Variants in RNF40 observed in about 807,000 individuals in gnomAD.
RNF40 encodes E3 ubiquitin-protein ligase BRE1B.
RNF40 carries 39 observed loss-of-function variants against 123.3 expected under a neutral mutation model. The ratio of observed to expected loss-of-function variants is 0.32; its 90% CI spans 0.24 to 0.41. RNF40 has a LOEUF of 0.41. Among genes scored for constraint, RNF40 ranks in the 10% least tolerant of loss-of-function variants. The pLI is 1.00. For missense variants in RNF40, 1,003 were observed against 1,319.9 expected, an observed-to-expected ratio of 0.76 and a Z score of 3.72; for synonymous variants, 538 against 526.0, an observed-to-expected ratio of 1.02 and a Z score of -0.31.
Position 30,765,256 on chromosome 16 carries a change from C to G in RNF40, c.847C>G (p.Gln283Glu). 3 of 1,614,214 alleles carry G rather than the reference C, an allele frequency of 1.9e-6. No homozygotes were observed. Among genetic ancestry groups the G allele is most frequent in the Admixed American group, 3.3e-5 (2 of 60,026 alleles). ...GATGGAGACAACAGTGGAGGACTTG[C>G]AGTGGGACATCGAGAAGCTGCGGAA... ...LEMETTVEDL[Q>E]WDIEKLRKRE... is the part of the protein sequence containing the mutation. Residue 283 changes from glutamine (Q) to glutamate (E), a missense_variant, in exon 7 of 20, where the codon CAG becomes GAG. Physicochemically the swap from Gln to Glu is conservative, Grantham distance 29 (BLOSUM62 2). Coordinates refer to ENST00000324685, the MANE Select transcript of RNF40 (RefSeq NM_014771.4).
Position 30,766,558 on chromosome 16 carries a change from G to C in RNF40, c.1293G>C (p.Glu431Asp). 1 of 1,607,362 alleles carries C rather than the reference G, an allele frequency of 6.2e-7. No individual in the cohort carries two copies. Among genetic ancestry groups the C allele is most frequent in the Non-Finnish European group, 8.5e-7 (1 of 1,176,002 alleles). Residue 431 changes from glutamate to aspartate, a missense_variant and splice_region_variant, in exon 10 of 20, where the codon GAG (glutamate) becomes GAC (aspartate). By Grantham distance (45) the Glu-to-Asp change is conservative (BLOSUM62 2). This residue lies in a region of RNF40 where 274 missense variants were observed against 356.9 expected (regional missense o/e 0.77). Transcript: ENST00000324685. The surrounding 1 kb of genome is among the most constrained non-coding windows in gnomAD (Gnocchi z 5.4). ...ACCTGCGACACATCGAGCACATGGAGGTATGGCCCTGGAACAGGCGTTAGG... is the reference window on the plus strand; with the variant it reads ...ACCTGCGACACATCGAGCACATGGACGTATGGCCCTGGAACAGGCGTTAGG... ...NSHLRHIEHM[E>D]SDELGLQKKL...
At chr16:30,770,578 G>C (rs1359010004) in intron 17 of RNF40, among the ~76,000 whole-genome samples, 1 of 152,174 alleles carries the variant, frequency 6.6e-6, no homozygotes, top group Non-Finnish European at 1.5e-5. Context: ...GATGTTCTTT[G>C]TCACATAGTT....
intron 19 of RNF40, 187 bp from the exon 20 acceptor site, chr16:30,773,751 T>C: frequency 3.8e-6 from 2 of 527,426 alleles, no homozygotes; most frequent in Non-Finnish European, 6.7e-6. Flanking sequence ...TGATTTCTAG[T>C]GTTGAGACCT....
rs373061072 is a variant in RNF40 at position 30,762,510 on chromosome 16, C to T, written c.-36C>T. 3.4e-5 allele frequency: 53 copies of T among 1,558,330 alleles called. No homozygotes were observed. Among genetic ancestry groups the T allele is most frequent in the East Asian group, 2.3e-4 (10 of 44,160 alleles). The stretch of plus-strand genomic sequence containing the variant: ...TACCGCCTCCTCCCGTTTGACGCCC[C>T]TCAGGGGACCCTGCATCGCTCCAGC... On this transcript the variant is annotated 5_prime_UTR_variant, in exon 2 of 20. Transcript: ENST00000324685.
Position 30,774,882 on chromosome 16 carries a change from C to G in RNF40, c.*768C>G, listed in dbSNP as rs2054206419. On this transcript the variant is annotated 3_prime_UTR_variant, in exon 20 of 20. Coordinates refer to ENST00000324685, the MANE Select transcript of RNF40 (RefSeq NM_014771.4). ...CTCTACTGGGTCCCTGGACCTAACC[C>G]TGCTTTCATCCTGGTGGCCTTAACT... The G allele has an allele frequency of 1.3e-5, 6 of 451,012 alleles. No individual in the cohort carries two copies. The highest frequency in any genetic ancestry group is 7.9e-5 in the South Asian group (5 of 63,616). 27.9% of individuals were successfully genotyped at this position (451,012 alleles called of 1,614,324 possible).
chr16:30,766,362 G>A lies in RNF40; in HGVS notation c.1114-17G>A. ...CTGAATCCTGTTGCTGATCCCATTT[G>A]GGCATCCCTGCCCCAGGTGGCCCTG... is the stretch of plus-strand genomic sequence containing the variant. On this transcript the variant is annotated splice_polypyrimidine_tract_variant and intron_variant, in intron 9 of 19. Transcript: ENST00000324685. The surrounding 1 kb of genome is among the most constrained non-coding windows in gnomAD (Gnocchi z 5.4). 6.2e-7 allele frequency: 1 copy of A among 1,612,082 alleles called. No individual in the cohort carries two copies. Among genetic ancestry groups the A allele is most frequent in the East Asian group, 2.2e-5 (1 of 44,808 alleles).
intron 2 of RNF40, 157 bp downstream of exon 2, chr16:30,762,834 C>T (rs566696918): frequency 2.1e-6 from 2 of 962,784 alleles, no homozygotes; most frequent in Non-Finnish European, 3.1e-6. Flanking sequence ...CAGAACACGA[C>T]GCCTGTCTTC....
Position 30,763,467 on chromosome 16 carries a change from A to G in RNF40, c.350A>G (p.Glu117Gly), listed in dbSNP as rs1435728573. Residue 117 changes from glutamate (E) to glycine (G), a missense_variant, in exon 4 of 20, where the codon GAG becomes GGG. Glu to Gly is a moderately conservative substitution (Grantham distance 98, BLOSUM62 -2). Coordinates refer to ENST00000324685, the MANE Select transcript of RNF40 (RefSeq NM_014771.4). The stretch of plus-strand genomic sequence containing the variant: ...CTCCGATGCCATGAGAGCCAGGGGG[A>G]GCTGTCTTCAGCGCCTGAGGCACCT... Reference protein sequence around the residue: ...ALLRCHESQGELSSAPEAPGT... With the variant: ...ALLRCHESQGGLSSAPEAPGT... 8 of 1,612,320 alleles carry G rather than the reference A, an allele frequency of 5.0e-6. No homozygotes were observed. The highest frequency in any genetic ancestry group is 5.9e-6 in the Non-Finnish European group (7 of 1,179,386).
intron 17 of RNF40, among the ~76,000 whole-genome samples, chr16:30,770,008 G>A (rs749650596): frequency 2.6e-5 from 4 of 152,154 alleles, no homozygotes; most frequent in Middle Eastern, 6.8e-3. Context: ...GCTGACAGGT[G>A]AGAGGATCAC....
Position 30,771,915 on chromosome 16 carries a change from G to T in RNF40, c.2669G>T (p.Cys890Phe). Residue 890 changes from cysteine (C) to phenylalanine (F), a missense_variant, in exon 18 of 20, where the codon TGC becomes TTC. Physicochemically the swap from Cys to Phe is radical, Grantham distance 205. This residue lies in a region of RNF40 where 121 missense variants were observed against 125.3 expected (regional missense o/e 0.97). Transcript: ENST00000324685. ...ACTCGGCTGCGGGAGATCCAGCCCTGCCTGGCAGAGAGCCGGGCTGCTCGT... is the reference window on the plus strand; with the variant it reads ...ACTCGGCTGCGGGAGATCCAGCCCTTCCTGGCAGAGAGCCGGGCTGCTCGT... Reference protein sequence around the residue: ...VQTRLREIQPCLAESRAAREK... With the variant: ...VQTRLREIQPFLAESRAAREK... The T allele has an allele frequency of 1.2e-6, 2 of 1,609,304 alleles. No homozygotes were observed. The highest frequency in any genetic ancestry group is 8.5e-7 in the Non-Finnish European group (1 of 1,176,902).
chr16:30,762,412 G>A, intron 1 of RNF40, 52 bp downstream of exon 1: 2 of 950,308 alleles, frequency 2.1e-6, no homozygotes, highest in Non-Finnish European at 3.0e-6. Context: ...TGTGCAGGGT[G>A]GAGGGTGTTT....
rs777569324 is a variant in RNF40, at chr16:30,766,394, C to T, written c.1129C>T (p.Leu377Phe). 6.2e-7 allele frequency: 1 copy of T among 1,613,156 alleles called. No homozygotes were observed. Among genetic ancestry groups the T allele is most frequent in the East Asian group, 2.2e-5 (1 of 44,856 alleles). ...NERLKVALRS[L>F]PEEVVRETGE... ...CCTGCCCCAGGTGGCCCTGCGGAGC[C>T]TTCCTGAGGAGGTAGTGCGGGAGAC... The change falls in exon 10 of 20, where the codon CTT becomes TTT. Residue 377 changes from leucine to phenylalanine, a missense_variant. This residue lies in a region of RNF40 where 274 missense variants were observed against 356.9 expected (regional missense o/e 0.77). Transcript: ENST00000324685. This position sits in a 1 kb window ranked among gnomAD's most constrained non-coding sequence, Gnocchi z 5.4.
chr16:30,767,014 C>G, intron 11 of RNF40, 138 bp downstream of exon 11: 1 of 1,164,542 alleles, frequency 8.6e-7, no homozygotes, highest in Non-Finnish European at 1.2e-6. Context: ...AAAACAGGGC[C>G]TGCACTGCTT....
Position 30,764,346 on chromosome 16 carries a change from C to T in RNF40, c.610C>T (p.Arg204Cys), listed in dbSNP as rs766712863. 8.7e-6 allele frequency: 14 copies of T among 1,613,686 alleles called. No individual in the cohort carries two copies. In the East Asian group the frequency reaches 1.3e-4, roughly 15 times the overall value. The change falls in exon 5 of 20, where the codon CGC becomes TGC. Residue 204 changes from arginine to cysteine, a missense_variant. By Grantham distance (180) the Arg-to-Cys change is radical (BLOSUM62 -3). Transcript: ENST00000324685. ...GGTAGAGGCCTCAGACCGCCTACAGCGCCGGGTGGAGGAACTCTGTCAGCG... is the reference window on the plus strand; with the variant it reads ...GGTAGAGGCCTCAGACCGCCTACAGTGCCGGGTGGAGGAACTCTGTCAGCG... ...RVVEASDRLQ[R>C]RVEELCQRVY...
At chr16:30,770,426 T>TAAATAAGGAAA (rs2054128055) in intron 17 of RNF40, among the ~76,000 whole-genome samples, 1 of 152,040 alleles carries the variant, frequency 6.6e-6, no homozygotes, top group Non-Finnish European at 1.5e-5. Context: ...GTTTTTAGCC[T>TAAATAAGGAAA]CGTTTTATAA....
rs750498233 is a variant in RNF40 at position 30,762,615 on chromosome 16, C to T, written c.70C>T (p.Arg24Cys). 23 of 1,611,258 alleles carry T rather than the reference C, an allele frequency of 1.4e-5. No homozygotes were observed. Among genetic ancestry groups the T allele is most frequent in the Non-Finnish European group, 1.8e-5 (21 of 1,179,598 alleles). The change falls in exon 2 of 20, where the codon CGT (arginine) becomes TGT (cysteine). Residue 24 changes from arginine to cysteine, a missense_variant. Coordinates refer to ENST00000324685, the MANE Select transcript of RNF40 (RefSeq NM_014771.4). ...AGGGCCCCCGGAAAAGAAGCTGAGT[C>T]GTGAGGAGAAGACCACCACGACTCT... The part of the protein sequence containing the change: ...GSGPPEKKLS[R>C]EEKTTTTLIE...
intron 17 of RNF40, among the ~76,000 whole-genome samples, chr16:30,769,882 G>C (rs2054116173): frequency 6.6e-6 from 1 of 152,072 alleles, no homozygotes. Context: ...AGGTTTGCTT[G>C]AGGCCAGGAG....
At position 30,768,319 on chromosome 16, in the gene RNF40, C is replaced by G. The variant is rs754967181; in HGVS notation, c.1768C>G (p.Gln590Glu). The G allele has an allele frequency of 1.9e-6, 3 of 1,613,640 alleles. No individual in the cohort carries two copies. Among genetic ancestry groups the G allele is most frequent in the African/African-American group, 2.7e-5 (2 of 74,932 alleles). The change falls in exon 13 of 20, where the codon CAG becomes GAG. Residue 590 changes from glutamine to glutamate, a missense_variant. This residue lies in a region of RNF40 where 295 missense variants were observed against 331.7 expected (regional missense o/e 0.89). Transcript: ENST00000324685. The surrounding 1 kb of genome is among the most constrained non-coding windows in gnomAD (Gnocchi z 4.1). ...GCTGGTCCCCTCTGAAGAGGACTTC[C>G]AGGGTATAACCCCTGGGGCCCAGGG... is the stretch of plus-strand genomic sequence containing the variant. ...EELVPSEEDF[Q>E]GITPGAQGPS... is the part of the protein sequence containing the mutation.
At chr16:30,761,674 C>CCG (rs1567275876), upstream of RNF40, 2 of 1,535,912 alleles carry the variant, frequency 1.3e-6, no homozygotes, top group Non-Finnish European at 1.7e-6. Context: ...CCGCTTCCCG[C>CCG]CGCAGCTCGG....
Sources: allele counts gnomAD v4.1 joint callset (sites outside exome capture counted in the v4.1 genomes callset), GRCh38; gene constraint gnomAD v4.1.1; regional missense constraint gnomAD v4.1.1; non-coding constraint Gnocchi (gnomAD v3.1); transcripts MANE v1.5; gene names NCBI Gene and HGNC (gene_info 2026-07-23, HGNC 2026-07-21).